Variants in SPAG16 observed in about 807,000 individuals in gnomAD.
The protein encoded by SPAG16 is sperm associated antigen 16.
Under a neutral mutation model 80.4 loss-of-function variants are expected in SPAG16, and 86 were observed. The observed-to-expected ratio is 1.07, with a 90% confidence interval of 0.90 to 1.28. The LOEUF (loss-of-function observed/expected upper bound fraction) is 1.28, where lower values mean the gene tolerates loss of function less well. SPAG16 is among the 50% of genes most tolerant of loss of function. The pLI is 0.00. For missense variants in SPAG16, 870 were observed against 765.3 expected (o/e 1.14, Z -1.61); for synonymous variants, 294 against 265.9 (o/e 1.11, Z -1.03).
At chr2:214,398,645 C>G (rs1378272849) in intron 15 of SPAG16, among the ~76,000 whole-genome samples, 1 of 152,162 alleles carries the variant, frequency 6.6e-6, no homozygotes, top group Non-Finnish European at 1.5e-5. Context: ...GATATAAAGC[C>G]AGGTCATCGG....
At chr2:213,775,587 T>C (rs2069524219) in intron 10 of SPAG16, among the ~76,000 whole-genome samples, 1 of 152,318 alleles carries the variant, frequency 6.6e-6, no homozygotes, top group East Asian at 1.9e-4. Flanking sequence ...TTATTCATCT[T>C]ACATAACTGA....
rs575422489 is a variant in SPAG16 at position 213,501,867 on chromosome 2, G to T, written c.1070+11777G>T. On this transcript the variant is annotated intron_variant, in intron 10 of 15. Coordinates refer to ENST00000331683, the MANE Select transcript of SPAG16 (RefSeq NM_024532.5). ...TTTAATCTTTACTGCTAGTCATATT[G>T]CTATTTACTTATTTTTCTTTTTAAA... 5.3e-5 allele frequency among the ~76,000 whole-genome samples: 8 copies of T among 152,142 alleles called. No individual in the cohort carries two copies. The East Asian group carries it at 9.7e-4, about 18-fold the overall frequency.
chr2:213,659,573 C>T (rs1216205482), intron 10 of SPAG16, among the ~76,000 whole-genome samples: 1 of 152,062 alleles, frequency 6.6e-6, no homozygotes, highest in African/African-American at 2.4e-5. Flanking sequence ...ACAAGCAGCA[C>T]TGTAAATATA....
rs1344163594 is a variant in SPAG16 at position 213,442,168 on chromosome 2, C to T, written c.943-47795C>T. On this transcript the variant is annotated intron_variant, in intron 9 of 15. Coordinates refer to ENST00000331683, the MANE Select transcript of SPAG16 (RefSeq NM_024532.5). Reference sequence around the variant, plus strand: ...GTCTCAAAAAACAAACAAACCGAAACCACTATATCATTTAGATTGGCACCC... The same window carrying T: ...GTCTCAAAAAACAAACAAACCGAAATCACTATATCATTTAGATTGGCACCC... 2.0e-5 allele frequency among the ~76,000 whole-genome samples: 3 copies of T among 151,166 alleles called. No homozygotes were observed. In the East Asian group the frequency reaches 5.8e-4, roughly 29 times the overall value.
chr2:214,164,132 C>T (rs1444671369), intron 15 of SPAG16, among the ~76,000 whole-genome samples: 1 of 152,000 alleles, frequency 6.6e-6, no homozygotes, highest in Non-Finnish European at 1.5e-5. Flanking sequence ...TTACTATGCC[C>T]TATTCTAGAC....
rs1365074103 is a variant in SPAG16, at chr2:214,037,668, T to C, written c.1527+23591T>C. Among the ~76,000 whole-genome samples the C allele has an allele frequency of 2.0e-5, 3 of 152,050 alleles. No homozygotes were observed. The East Asian group carries it at 5.8e-4, about 29-fold the overall frequency. ...CTGTGTCTTTTTGATTCTCCTTAAT[T>C]TTTTGCTTTATAAAAGTGTCTACTA... On this transcript the variant is annotated intron_variant, in intron 13 of 15. Coordinates refer to ENST00000331683, the MANE Select transcript of SPAG16 (RefSeq NM_024532.5).
At chr2:213,666,434 T>C (rs1378410770) in intron 10 of SPAG16, among the ~76,000 whole-genome samples, 1 of 152,174 alleles carries the variant, frequency 6.6e-6, no homozygotes. Flanking sequence ...TTCAGTGATA[T>C]CATTAGTTAT....
At chr2:213,379,610 AGAGT>A (rs2067059847) in intron 9 of SPAG16, among the ~76,000 whole-genome samples, 1 of 152,204 alleles carries the variant, frequency 6.6e-6, no homozygotes, top group African/African-American at 2.4e-5. Context: ...ACCCATATCC[AGAGT>A]AAGTGTCTAT....
chr2:213,643,767 C>CTTTTTTT (rs71063764), intron 10 of SPAG16, among the ~76,000 whole-genome samples: 11 of 52,030 alleles, frequency 2.1e-4, no homozygotes, highest in African/African-American at 2.6e-4. Context: ...CTCACTACTT[C>CTTTTTTT]TTTTTTTTTT....
At chr2:213,854,891 A>G (rs1460977024) in intron 10 of SPAG16, among the ~76,000 whole-genome samples, 2 of 152,258 alleles carry the variant, frequency 1.3e-5, no homozygotes, top group Non-Finnish European at 2.9e-5. Flanking sequence ...TTTTGTAACT[A>G]AAGTTTTGTT....
At chr2:213,788,359 A>G (rs946925442) in intron 10 of SPAG16, among the ~76,000 whole-genome samples, 3 of 151,970 alleles carry the variant, frequency 2.0e-5, no homozygotes, top group African/African-American at 7.2e-5. Flanking sequence ...AGTAAGTCAT[A>G]TATACATATG....
intron 12 of SPAG16, among the ~76,000 whole-genome samples, chr2:213,945,310 T>C (rs1218822721): frequency 6.9e-6 from 1 of 145,148 alleles, no homozygotes; most frequent in Non-Finnish European, 1.5e-5. Flanking sequence ...CACAAGTATA[T>C]ATATGTGTGT....
chr2:213,447,110 A>T (rs887877204), intron 9 of SPAG16, among the ~76,000 whole-genome samples: 1 of 152,166 alleles, frequency 6.6e-6, no homozygotes, highest in African/African-American at 2.4e-5. Flanking sequence ...AATGCCTCAT[A>T]TGGTTTAGTA....
intron 11 of SPAG16, among the ~76,000 whole-genome samples, chr2:213,890,497 GA>G (rs915164909): frequency 6.6e-6 from 1 of 151,892 alleles, no homozygotes; most frequent in African/African-American, 2.4e-5. Context: ...TAGGTAATGG[GA>G]AAAAAGTGTT....
intron 10 of SPAG16, among the ~76,000 whole-genome samples, chr2:213,674,203 A>G (rs2063937017): frequency 6.6e-6 from 1 of 152,158 alleles, no homozygotes; most frequent in Non-Finnish European, 1.5e-5. Flanking sequence ...GCATGCTGTT[A>G]TAATTTTATA....
At chr2:213,599,637 G>A (rs2060995076) in intron 10 of SPAG16, among the ~76,000 whole-genome samples, 1 of 152,172 alleles carries the variant, frequency 6.6e-6, no homozygotes, top group Non-Finnish European at 1.5e-5. Context: ...CCGACTTGTT[G>A]ATGTTATCAG....
intron 12 of SPAG16, among the ~76,000 whole-genome samples, chr2:213,958,534 T>C (rs2044260923): frequency 6.6e-6 from 1 of 152,178 alleles, no homozygotes; most frequent in African/African-American, 2.4e-5. Context: ...CTCACAACTT[T>C]GAATAGTATA....
chr2:213,394,550 G>A (rs1182107519), intron 9 of SPAG16, among the ~76,000 whole-genome samples: 1 of 152,156 alleles, frequency 6.6e-6, no homozygotes, highest in Non-Finnish European at 1.5e-5. Context: ...CTGCCTGCCA[G>A]AGGATCCCTG....
chr2:213,313,057 T>C (rs541727755), intron 4 of SPAG16, among the ~76,000 whole-genome samples: 1 of 151,998 alleles, frequency 6.6e-6, no homozygotes, highest in African/African-American at 2.4e-5. Context: ...TAATGAGAAC[T>C]TGGCTTCTAG....
Sources: allele counts gnomAD v4.1 joint callset (sites outside exome capture counted in the v4.1 genomes callset), GRCh38; gene constraint gnomAD v4.1.1; transcripts MANE v1.5; gene names NCBI Gene and HGNC (gene_info 2026-07-23, HGNC 2026-07-21).